TLL1: variants seen among roughly 807,000 people sequenced by gnomAD.
TLL1 encodes tolloid like 1, also known as tolloid-like protein 1.
Under a neutral mutation model 128.2 loss-of-function variants are expected in TLL1, and 49 were observed. The observed-to-expected ratio is 0.38, with a 90% CI of 0.30 to 0.48. The LOEUF (loss-of-function observed/expected upper bound fraction) is 0.48. Among genes scored for constraint, TLL1 ranks in the 20% least tolerant of loss-of-function variants. The pLI is 0.96. For missense variants in TLL1, 1,123 were observed against 1,242.0 expected, an observed-to-expected ratio of 0.90 and a Z score of 1.44; for synonymous variants, 454 against 418.8, an observed-to-expected ratio of 1.08 and a Z score of -1.03.
In TLL1 at chr4:165,932,809, C is replaced by T. The variant is rs76613585; in HGVS notation, c.170-56572C>T. Among the ~76,000 whole-genome samples, 1,094 of 152,154 alleles carry T rather than the reference C, an allele frequency of 7.2e-3. 14 individuals carry two copies. Among genetic ancestry groups the T allele is most frequent in the African/African-American group, 0.024 (980 of 41,526 alleles). ...ATATGCATTGATTTGACCATTTAAA[C>T]TTCCTCCGAGACAATAAACTTGCTG... On this transcript the variant is annotated intron_variant, in intron 1 of 20. Transcript: ENST00000061240.
chr4:165,960,580 A>C lies in TLL1; in HGVS notation c.170-28801A>C, dbSNP rs145471137. The stretch of plus-strand genomic sequence containing the variant: ...AAATTCTCAACAAAATACTAGCAAA[A>C]CAAATCCAGCAACATATCAAAAAGT... On this transcript the variant is annotated intron_variant, in intron 1 of 20. Transcript: ENST00000061240. Among the ~76,000 whole-genome samples the C allele has an allele frequency of 5.2e-3, 792 of 152,198 alleles. 12 individuals are homozygous for C. Among genetic ancestry groups the C allele is most frequent in the African/African-American group, 0.018 (737 of 41,564 alleles).
intron 1 of TLL1, among the ~76,000 whole-genome samples, chr4:165,916,411 G>A (rs1436015329): frequency 3.9e-5 from 6 of 152,232 alleles, no homozygotes; most frequent in East Asian, 1.9e-4. Context: ...GTAAAAAGAC[G>A]AAAAAGTTAC....
chr4:166,037,227 A>G (rs1579655719), intron 9 of TLL1, among the ~76,000 whole-genome samples: 2 of 152,196 alleles, frequency 1.3e-5, no homozygotes, highest in African/African-American at 4.8e-5. Context: ...AAAACCAGGT[A>G]TTATTTCCTA....
intron 1 of TLL1, among the ~76,000 whole-genome samples, chr4:165,908,706 T>G (rs556134192): frequency 6.6e-6 from 1 of 152,012 alleles, no homozygotes; most frequent in African/African-American, 2.4e-5. Context: ...GCTTTTTAAA[T>G]GGCTGAGAAA....
At chr4:166,056,173 A>G (rs1433943296) in intron 13 of TLL1, among the ~76,000 whole-genome samples, 2 of 152,092 alleles carry the variant, frequency 1.3e-5, no homozygotes, top group Non-Finnish European at 2.9e-5. Context: ...CTCCATTTAC[A>G]TGTTTGAAAT....
At chr4:166,047,652 T>C (rs377137450) in intron 12 of TLL1, among the ~76,000 whole-genome samples, 1 of 152,134 alleles carries the variant, frequency 6.6e-6, no homozygotes, top group African/African-American at 2.4e-5. Context: ...GGCTTTACCT[T>C]TGCCAGTGCC....
chr4:165,891,453 G>A (rs975533166), intron 1 of TLL1, among the ~76,000 whole-genome samples: 4 of 152,140 alleles, frequency 2.6e-5, no homozygotes, highest in African/African-American at 9.7e-5. Context: ...ATAAAACTGA[G>A]TGCTTTTAAG....
At position 166,074,922 on chromosome 4, in the gene TLL1, T is replaced by C. The variant is rs1385706994; in HGVS notation, c.2233T>C (p.Cys745Arg). Residue 745 changes from cysteine to arginine, a missense_variant, in exon 17 of 21, where the codon TGT becomes CGT. Around this residue, in one of 3 missense-constraint regions of TLL1, gnomAD observed 634 missense variants for 672.4 expected, o/e 0.94. Transcript: ENST00000061240. ...GGATAATGGTGGATGTCAGCACGAATGTGTCAACACGATGGGGAGCTACAT... is the reference window on the plus strand; with the variant it reads ...GGATAATGGTGGATGTCAGCACGAACGTGTCAACACGATGGGGAGCTACAT... ...SKDNGGCQHE[C>R]VNTMGSYMCQ... 6.2e-7 allele frequency: 1 copy of C among 1,613,676 alleles called. No homozygotes were observed. The highest frequency in any genetic ancestry group is 1.7e-5 in the Admixed American group (1 of 60,000).
chr4:166,020,878 CTGTTCCCACAGGAACATATGTACAACCTA>C (rs1738195581), intron 8 of TLL1, among the ~76,000 whole-genome samples: 1 of 152,104 alleles, frequency 6.6e-6, no homozygotes, highest in African/African-American at 2.4e-5. Context: ...AAAGTGTTGC[CTGTTCCCACAGGAACATATGTACAACCTA>C]TGTTCCCAAA....
chr4:166,051,679 G>T (rs1739745202), intron 12 of TLL1, among the ~76,000 whole-genome samples: 1 of 152,050 alleles, frequency 6.6e-6, no homozygotes, highest in Non-Finnish European at 1.5e-5. Context: ...GGATTAAACT[G>T]GAAAAATAAG....
At chr4:165,954,412 C>CTTTTTACATTT (rs1734678904) in intron 1 of TLL1, among the ~76,000 whole-genome samples, 2 of 151,924 alleles carry the variant, frequency 1.3e-5, no homozygotes, top group Non-Finnish European at 1.5e-5. Context: ...AAATTATGAC[C>CTTTTTACATTT]ACAAACTTAA....
chr4:165,995,426 T>TTA lies in TLL1; in HGVS notation c.632+248_632+249insTA, dbSNP rs1560798384. On this transcript the variant is annotated intron_variant, in intron 5 of 20. Transcript: ENST00000061240. ...CTTTCTAACAATGACATTACCAACATCCCACTCACCTGAGCTAGAAACTTC... is the reference window on the plus strand; with the variant it reads ...CTTTCTAACAATGACATTACCAACATTACCCACTCACCTGAGCTAGAAACTTC... Among the ~76,000 whole-genome samples the TTA allele has an allele frequency of 2.6e-5, 4 of 152,270 alleles. No homozygotes were observed. The East Asian group carries it at 7.7e-4, about 29-fold the overall frequency.
chr4:166,056,928 T>C (rs1740036922), intron 13 of TLL1, among the ~76,000 whole-genome samples: 1 of 152,132 alleles, frequency 6.6e-6, no homozygotes, highest in Non-Finnish European at 1.5e-5. Context: ...ATGAATTGTT[T>C]CCATTTTATT....
intron 1 of TLL1, among the ~76,000 whole-genome samples, chr4:165,950,539 T>TA (rs1734462742): frequency 6.6e-6 from 1 of 152,028 alleles, no homozygotes; most frequent in Non-Finnish European, 1.5e-5. Context: ...ATATCTAAGT[T>TA]AAAAAATCGA....
chr4:165,874,729 C>A (rs181098363), intron 1 of TLL1, among the ~76,000 whole-genome samples: 275 of 152,376 alleles, frequency 1.8e-3, no homozygotes, highest in African/African-American at 6.2e-3. Context: ...TGTCTTCCTT[C>A]CAGCTAACAC....
In TLL1 at chr4:166,043,426, T is replaced by C. The variant is rs1354822907; in HGVS notation, c.1524+7T>C. On this transcript the variant is annotated splice_region_variant and intron_variant, in intron 12 of 20. Coordinates refer to ENST00000061240, the MANE Select transcript of TLL1 (RefSeq NM_012464.5). ...GACCTTTCAGTCCTTTGAGGTAAAG[T>C]CTTTTAGGCTATCTTCCTGGCAAAT... is the stretch of plus-strand genomic sequence containing the variant. 6.2e-7 allele frequency: 1 copy of C among 1,614,074 alleles called. No individual in the cohort carries two copies. Among genetic ancestry groups the C allele is most frequent in the Admixed American group, 1.7e-5 (1 of 60,020 alleles).
chr4:165,882,643 G>A (rs950866918), intron 1 of TLL1, among the ~76,000 whole-genome samples: 7 of 152,002 alleles, frequency 4.6e-5, no homozygotes, highest in Non-Finnish European at 1.0e-4. Flanking sequence ...TTTTGAGACG[G>A]GTTTTGCTCT....
At chr4:166,061,721 A>T (rs1442366304) in intron 15 of TLL1, among the ~76,000 whole-genome samples, 1 of 152,144 alleles carries the variant, frequency 6.6e-6, no homozygotes, top group Non-Finnish European at 1.5e-5. Flanking sequence ...CTTTAGTTTA[A>T]TTAGATCCCA....
In TLL1 at chr4:166,030,951, G is replaced by T. The variant is rs554435697; in HGVS notation, c.1158+5520G>T. ...TTAACTTTGTTTTAAATAAAAGCTTGCAAAAATACCTTCATTTCAAACATT... is the reference window on the plus strand; with the variant it reads ...TTAACTTTGTTTTAAATAAAAGCTTTCAAAAATACCTTCATTTCAAACATT... On this transcript the variant is annotated intron_variant, in intron 9 of 20. Transcript: ENST00000061240. 12 of 975,476 alleles carry T rather than the reference G, an allele frequency of 1.2e-5. No individual in the cohort carries two copies. The South Asian group carries it at 5.7e-4, about 46-fold the overall frequency. 60.4% of individuals were successfully genotyped at this position (975,476 alleles called of 1,614,324 possible). A position where few individuals can be genotyped will look rare whatever the true frequency, so the allele number is the denominator to read the frequency against.
Sources: allele counts gnomAD v4.1 joint callset (sites outside exome capture counted in the v4.1 genomes callset), GRCh38; gene constraint gnomAD v4.1.1; regional missense constraint gnomAD v4.1.1; transcripts MANE v1.5; gene names NCBI Gene and HGNC (gene_info 2026-07-23, HGNC 2026-07-21).